PARN: variants seen among roughly 807,000 people sequenced by gnomAD.
The protein encoded by PARN is poly(A)-specific ribonuclease.
In PARN, 71 loss-of-function variants were observed where a neutral mutation model predicts 102.8. The observed-to-expected ratio is 0.69, with a 90% CI of 0.57 to 0.84. The LOEUF (loss-of-function observed/expected upper bound fraction) is 0.84. Ranked by LOEUF, PARN falls within the 40% of genes least tolerant of loss-of-function variation. The probability of loss-of-function intolerance (pLI) is 0.00; values close to 1 mark genes in which losing one functional copy is unlikely to be tolerated. For missense variants in PARN, 782 were observed against 760.9 expected, an observed-to-expected ratio of 1.03 and a Z score of -0.33; for synonymous variants, 261 against 252.9, an observed-to-expected ratio of 1.03 and a Z score of -0.30.
intron 22 of PARN, among the ~76,000 whole-genome samples, chr16:14,464,618 G>A (rs934370500): frequency 8.5e-5 from 13 of 152,170 alleles, no homozygotes; most frequent in African/African-American, 2.4e-4. Context: ...TTAGCCAGGC[G>A]TGGTGGCGCA....
intron 22 of PARN, among the ~76,000 whole-genome samples, chr16:14,458,619 A>G (rs184724330): frequency 6.6e-6 from 1 of 152,294 alleles, no homozygotes; most frequent in Non-Finnish European, 1.5e-5. Context: ...GCAGAAACAG[A>G]AATCTGAGTG....
intron 12 of PARN, among the ~76,000 whole-genome samples, chr16:14,596,528 G>A (rs1187835691): frequency 6.6e-6 from 1 of 151,808 alleles, no homozygotes; most frequent in African/African-American, 2.4e-5. Context: ...TTGAGCCTAA[G>A]AGTTCAAGAC....
At chr16:14,598,882 G>C (rs542064540) in intron 12 of PARN, among the ~76,000 whole-genome samples, 2 of 152,042 alleles carry the variant, frequency 1.3e-5, no homozygotes, top group Non-Finnish European at 2.9e-5. Context: ...AGCATCTAAG[G>C]TATAAGATGA....
At chr16:14,519,102 T>A (rs1358269431) in intron 21 of PARN, among the ~76,000 whole-genome samples, 1 of 151,594 alleles carries the variant, frequency 6.6e-6, no homozygotes, top group Non-Finnish European at 1.5e-5. Flanking sequence ...ATTTCTACCA[T>A]CTCCAGTGTC....
At chr16:14,457,032 G>A (rs964759035) in intron 22 of PARN, among the ~76,000 whole-genome samples, 3 of 152,212 alleles carry the variant, frequency 2.0e-5, no homozygotes, top group Non-Finnish European at 4.4e-5. Context: ...GCCTGGCATA[G>A]AGTAAGTCCT....
chr16:14,503,394 T>C (rs1001832209), intron 21 of PARN, among the ~76,000 whole-genome samples: 9 of 152,188 alleles, frequency 5.9e-5, no homozygotes, highest in African/African-American at 2.2e-4. Context: ...AGTATCTATT[T>C]CTTTTAGCAA....
chr16:14,592,778 C>A (rs150212351), intron 13 of PARN, among the ~76,000 whole-genome samples: 7 of 152,188 alleles, frequency 4.6e-5, no homozygotes, highest in African/African-American at 1.7e-4. Context: ...AAACCACTGG[C>A]ATTAAGACAA....
intron 23 of PARN, among the ~76,000 whole-genome samples, chr16:14,443,083 C>T (rs1961017611): frequency 6.6e-6 from 1 of 152,164 alleles, no homozygotes; most frequent in South Asian, 2.1e-4. Flanking sequence ...CTCTGTACAA[C>T]TGGGAAAGAG....
chr16:14,441,723 C>A (rs1960950474), intron 23 of PARN, among the ~76,000 whole-genome samples: 2 of 152,354 alleles, frequency 1.3e-5, no homozygotes, highest in South Asian at 4.1e-4. Context: ...ACGTTCACTG[C>A]AAACCACACT....
chr16:14,506,995 C>T (rs191882595), intron 21 of PARN, among the ~76,000 whole-genome samples: 1 of 152,312 alleles, frequency 6.6e-6, no homozygotes, highest in East Asian at 1.9e-4. Flanking sequence ...AGAAGCGTAA[C>T]TAATATAACC....
At position 14,604,137 on chromosome 16, in the gene PARN, C is replaced by A; in HGVS notation, c.783+9G>T. ...TCTCACCCCCCAAGAATTAACATAG[C>A]CCAATTACCTGTTCTTTGGCATGTT... On this transcript the variant is annotated intron_variant, in intron 11 of 23. Transcript: ENST00000437198. 13 of 1,559,820 alleles carry A rather than the reference C, an allele frequency of 8.3e-6. No individual in the cohort carries two copies. Among genetic ancestry groups the A allele is most frequent in the Non-Finnish European group, 1.1e-5 (13 of 1,137,196 alleles).
At chr16:14,563,022 T>C (rs1968171658) in intron 18 of PARN, among the ~76,000 whole-genome samples, 1 of 152,174 alleles carries the variant, frequency 6.6e-6, no homozygotes, top group South Asian at 2.1e-4. Context: ...GCAGCTATGC[T>C]CAAGAAAACG....
chr16:14,543,256 T>C (rs1966852364), intron 21 of PARN, among the ~76,000 whole-genome samples: 1 of 152,102 alleles, frequency 6.6e-6, no homozygotes, highest in Non-Finnish European at 1.5e-5. Context: ...AAAGACATTT[T>C]CAGATAAAGA....
At chr16:14,533,618 T>C (rs1488503252) in intron 21 of PARN, among the ~76,000 whole-genome samples, 2 of 152,162 alleles carry the variant, frequency 1.3e-5, no homozygotes, top group Non-Finnish European at 2.9e-5. Flanking sequence ...GATGTGCTGG[T>C]CCCACAATCC....
intron 22 of PARN, among the ~76,000 whole-genome samples, chr16:14,467,699 T>G (rs1293511836): frequency 6.6e-6 from 1 of 152,212 alleles, no homozygotes; most frequent in Non-Finnish European, 1.5e-5. Flanking sequence ...TACCTTCAGG[T>G]GGCTCTTTCA....
At chr16:14,584,492 ACCCCCCC>A (rs1567414670) in intron 15 of PARN, 70 bp from the exon 16 acceptor site, 17 of 1,130,188 alleles carry the variant, frequency 1.5e-5, no homozygotes, top group Admixed American at 8.1e-5. Flanking sequence ...AGATTCACTG[ACCCCCCC>A]AAAAAAAAGA....
Position 14,483,007 on chromosome 16 carries a change from TGA to T in PARN, c.1481-182_1481-181del, listed in dbSNP as rs546554341. On this transcript the variant is annotated intron_variant, in intron 21 of 23. Transcript: ENST00000437198. ...GGTACACCTGCAAACTCTCCAAGTC[TGA>T]GTTTTCTCACCTGGAAAAAAAAGCC... is the stretch of plus-strand genomic sequence containing the variant. Among the ~76,000 whole-genome samples, 193 of 152,332 alleles carry T rather than the reference TGA, an allele frequency of 1.3e-3. 1 individual carries two copies. The highest frequency in any genetic ancestry group is 4.4e-3 in the African/African-American group (182 of 41,580).
Position 14,482,661 on chromosome 16 carries a change from C to G in PARN, c.1647G>C (p.Gln549His). The part of the protein sequence containing the change: ...LNPQCIPYTL[Q>H]NHYYRNNSFT... ...ACCTATTGTTGCGGTAATAGTGATTCTGCAGGGTGTAGGGTATGCACTGGG... is the reference window on the plus strand; with the variant it reads ...ACCTATTGTTGCGGTAATAGTGATTGTGCAGGGTGTAGGGTATGCACTGGG... Residue 549 changes from glutamine to histidine, a missense_variant, in exon 22 of 24, where the codon CAG becomes CAC. By Grantham distance (24) the Gln-to-His change is conservative (BLOSUM62 0). Coordinates refer to ENST00000437198, the MANE Select transcript of PARN (RefSeq NM_002582.4). The G allele has an allele frequency of 6.2e-7, 1 of 1,607,976 alleles. No homozygotes were observed. Among genetic ancestry groups the G allele is most frequent in the Non-Finnish European group, 8.5e-7 (1 of 1,177,862 alleles).
intron 21 of PARN, among the ~76,000 whole-genome samples, chr16:14,496,988 T>G (rs1467979870): frequency 6.6e-6 from 1 of 152,202 alleles, no homozygotes; most frequent in African/African-American, 2.4e-5. Flanking sequence ...TGGACTGCCG[T>G]GCACAGCCAG....
Sources: gnomAD v4.1 joint callset for allele counts (sites outside exome capture counted in the v4.1 genomes callset) on GRCh38, gnomAD v4.1.1 for gene constraint, MANE v1.5 for transcripts, NCBI Gene and HGNC (gene_info 2026-07-23, HGNC 2026-07-21) for gene names.